Variants in TNS1 observed in about 807,000 individuals in gnomAD.
TNS1 encodes tensin 1.
A neutral mutation model predicts 168.6 loss-of-function variants in TNS1; 62 were observed. That is an observed-to-expected ratio of 0.37 (90% CI 0.30 to 0.45). The LOEUF is 0.45. Ranked by LOEUF, TNS1 falls within the 20% of genes least tolerant of loss-of-function variation. TNS1 has a pLI of 1.00. For synonymous variants in TNS1, 934 were observed against 933.2 expected (o/e 1.00, Z -0.02); for missense variants, 2,240 against 2,339.4 (o/e 0.96, Z 0.88).
chr2:217,946,231 AC>A (rs1455315122), intron 3 of TNS1, among the ~76,000 whole-genome samples: 1 of 151,990 alleles, frequency 6.6e-6, no homozygotes, highest in East Asian at 1.9e-4. Context: ...CAGACTCACC[AC>A]TTGGTGGGCA....
chr2:217,911,522 C>T (rs1410718536), intron 4 of TNS1, among the ~76,000 whole-genome samples: 1 of 152,236 alleles, frequency 6.6e-6, no homozygotes, highest in African/African-American at 2.4e-5. Context: ...CCTGAGATGC[C>T]TTTTCATAAA....
upstream of TNS1, among the ~76,000 whole-genome samples, chr2:218,006,771 A>G (rs1310203224): frequency 6.6e-6 from 1 of 152,170 alleles, no homozygotes; most frequent in African/African-American, 2.4e-5. Context: ...TCCATATTTT[A>G]TATAAAATAT....
At chr2:217,844,081 T>A (rs968406090) in intron 19 of TNS1, among the ~76,000 whole-genome samples, 1 of 152,142 alleles carries the variant, frequency 6.6e-6, no homozygotes, top group African/African-American at 2.4e-5. Context: ...ATTCTATTTC[T>A]ATTCATGGAG....
rs750084484 is a variant in TNS1, at chr2:217,831,541, G to A, written c.3287C>T (p.Ser1096Phe). The part of the protein sequence containing the change: ...PSSPPPSGVR[S>F]PPGLAKTPLS... ...GGGTGTCTTGGCCAGACCCGGGGGG[G>A]ACCGCACTGTGCCAGGAAGAAGAGG... Residue 1096 changes from serine to phenylalanine, a missense_variant, in exon 22 of 33, where the codon TCC becomes TTC. Coordinates refer to ENST00000682258, the MANE Select transcript of TNS1 (RefSeq NM_001387777.1). The A allele has an allele frequency of 1.3e-6, 2 of 1,521,976 alleles. No individual in the cohort carries two copies. Among genetic ancestry groups the A allele is most frequent in the Non-Finnish European group, 1.8e-6 (2 of 1,139,056 alleles). 94.3% of individuals were successfully genotyped at this position (1,521,976 alleles called of 1,614,324 possible).
At chr2:218,003,443 G>A (rs912651108), upstream of TNS1, among the ~76,000 whole-genome samples, 1 of 152,082 alleles carries the variant, frequency 6.6e-6, no homozygotes, top group Non-Finnish European at 1.5e-5. Context: ...ACCCGTGCCT[G>A]CCTTCCTGGC....
intron 3 of TNS1, among the ~76,000 whole-genome samples, chr2:217,956,208 G>T (rs1259433468): frequency 6.6e-6 from 1 of 152,096 alleles, no homozygotes; most frequent in African/African-American, 2.4e-5. Context: ...TTGCTACATT[G>T]CCCAGGCTGG....
At chr2:218,003,066 G>A (rs1182980788), upstream of TNS1, 148 of 360,234 alleles carry the variant, frequency 4.1e-4, no homozygotes, top group Middle Eastern at 9.0e-4. Context: ...TCCACCCCTC[G>A]TCCCAGCCTC....
intron 18 of TNS1, among the ~76,000 whole-genome samples, chr2:217,877,912 G>T (rs1241185593): frequency 1.3e-5 from 2 of 152,152 alleles, no homozygotes; most frequent in Non-Finnish European, 2.9e-5. Context: ...CCTCCTCCAA[G>T]TCTCCTGGTG....
At chr2:217,835,230 T>C (rs903918748) in intron 20 of TNS1, 64 bp from the exon 21 acceptor site, 3 of 1,491,862 alleles carry the variant, frequency 2.0e-6, no homozygotes, top group Non-Finnish European at 2.7e-6. Flanking sequence ...CCCCTTCAGA[T>C]GACCTGAGGT....
At chr2:217,846,716 C>T (rs561324566) in intron 19 of TNS1, among the ~76,000 whole-genome samples, 2 of 152,236 alleles carry the variant, frequency 1.3e-5, no homozygotes, top group African/African-American at 4.8e-5. Context: ...AACATGGCCC[C>T]AGACATGCTG....
At chr2:217,867,914 C>T (rs2125577565) in intron 18 of TNS1, among the ~76,000 whole-genome samples, 1 of 152,374 alleles carries the variant, frequency 6.6e-6, no homozygotes, top group East Asian at 1.9e-4. Flanking sequence ...TTACTCTGCT[C>T]CATTTTTTGC....
At chr2:217,853,022 C>A (rs1365235780) in intron 18 of TNS1, among the ~76,000 whole-genome samples, 1 of 152,096 alleles carries the variant, frequency 6.6e-6, no homozygotes, top group Non-Finnish European at 1.5e-5. Flanking sequence ...ATCTGTGGAG[C>A]ACGTGCCCCT....
intron 4 of TNS1, among the ~76,000 whole-genome samples, chr2:217,918,285 C>T (rs1009847687): frequency 6.6e-6 from 1 of 152,210 alleles, no homozygotes; most frequent in Admixed American, 6.5e-5. Flanking sequence ...GGGTCGTACA[C>T]CAGGGAGCGG....
At position 217,821,810 on chromosome 2, in the gene TNS1, C is replaced by G. The variant is rs1220693327; in HGVS notation, c.3502G>C (p.Gly1168Arg). 11 of 1,551,380 alleles carry G rather than the reference C, an allele frequency of 7.1e-6. No individual in the cohort carries two copies. The highest frequency in any genetic ancestry group is 8.7e-6 in the Non-Finnish European group (10 of 1,151,460). ...AYGHEIPLRN[G>R]TLGGSFVSPS... is the part of the protein sequence containing the mutation. Reference sequence around the variant, plus strand: ...GAGACAAAGGAGCCACCCAGGGTCCCGTTCCTCAGGGGTATCTCATGGCCA... The same window carrying G: ...GAGACAAAGGAGCCACCCAGGGTCCGGTTCCTCAGGGGTATCTCATGGCCA... Residue 1168 changes from glycine to arginine, a missense_variant, in exon 23 of 33, where the codon GGG becomes CGG. Physicochemically the swap from Gly to Arg is moderately radical, Grantham distance 125. This residue lies in a region of TNS1 where 2,131 missense variants were observed against 2,171.2 expected (regional missense o/e 0.98). Transcript: ENST00000682258.
chr2:217,927,581 A>G (rs1244064539), intron 3 of TNS1, among the ~76,000 whole-genome samples: 3 of 152,160 alleles, frequency 2.0e-5, no homozygotes, highest in Non-Finnish European at 2.9e-5. Flanking sequence ...TACTAATAAC[A>G]ATAAGGGGAA....
At chr2:217,961,733 A>C (rs1162907669) in intron 3 of TNS1, among the ~76,000 whole-genome samples, 1 of 152,196 alleles carries the variant, frequency 6.6e-6, no homozygotes, top group Non-Finnish European at 1.5e-5. Flanking sequence ...TTGACATAGG[A>C]AATGATTTCC....
intron 18 of TNS1, among the ~76,000 whole-genome samples, chr2:217,867,833 A>G (rs1386634407): frequency 6.6e-6 from 1 of 152,230 alleles, no homozygotes; most frequent in Non-Finnish European, 1.5e-5. Context: ...GTTCCTCCTC[A>G]GAGGGCCGGG....
At chr2:217,958,844 T>C (rs1957428202) in intron 3 of TNS1, among the ~76,000 whole-genome samples, 1 of 152,186 alleles carries the variant, frequency 6.6e-6, no homozygotes, top group Admixed American at 6.5e-5. Flanking sequence ...GCTTCCTCCT[T>C]GCCCAGGTTT....
intron 23 of TNS1, among the ~76,000 whole-genome samples, chr2:217,819,077 A>G (rs751636248): frequency 6.6e-6 from 1 of 152,216 alleles, no homozygotes; most frequent in Non-Finnish European, 1.5e-5. Flanking sequence ...CAAAGTGAAG[A>G]GCCCTCTCCT....
Sources: gnomAD v4.1 joint callset for allele counts (sites outside exome capture counted in the v4.1 genomes callset) on GRCh38, gnomAD v4.1.1 for gene constraint, gnomAD v4.1.1 regional missense constraint, MANE v1.5 for transcripts, NCBI Gene and HGNC (gene_info 2026-07-23, HGNC 2026-07-21) for gene names.